The following N4BP2L2 variants were observed in gnomAD, a reference collection of about 807,000 sequenced individuals.
N4BP2L2 encodes the protein NEDD4 binding protein 2 like 2.
In N4BP2L2, 50 loss-of-function variants were observed where a neutral mutation model predicts 56.2. The observed-to-expected ratio is 0.89, with a 90% CI of 0.71 to 1.13. N4BP2L2 has a LOEUF of 1.13. Ranked by LOEUF, N4BP2L2 falls within the 50% of genes most tolerant of loss-of-function variation. The probability of loss-of-function intolerance (pLI) is 0.00; values close to 1 mark genes in which losing one functional copy is unlikely to be tolerated. For missense variants in N4BP2L2, 689 were observed against 693.8 expected (o/e 0.99, Z 0.08); for synonymous variants, 203 against 223.6 (o/e 0.91, Z 0.82).
chr13:32,520,891 CA>C (rs1212078308), intron 5 of N4BP2L2, among the ~76,000 whole-genome samples: 2 of 152,158 alleles, frequency 1.3e-5, no homozygotes, highest in African/African-American at 2.4e-5. Flanking sequence ...ACAACTTACT[CA>C]GAATTGACTT....
At chr13:32,465,226 A>C (rs565529852) in intron 6 of N4BP2L2, among the ~76,000 whole-genome samples, 262 of 152,220 alleles carry the variant, frequency 1.7e-3, no homozygotes, top group Non-Finnish European at 2.7e-3. Context: ...CAGCCTCCCA[A>C]AGTGCTGGGA....
chr13:32,470,516 T>C (rs2082101832), intron 6 of N4BP2L2, among the ~76,000 whole-genome samples: 4 of 152,202 alleles, frequency 2.6e-5, no homozygotes, highest in Admixed American at 2.6e-4. Flanking sequence ...CTAGGGCCTA[T>C]ATCAATGCAT....
At chr13:32,470,634 G>A (rs1283004880) in intron 6 of N4BP2L2, among the ~76,000 whole-genome samples, 1 of 152,216 alleles carries the variant, frequency 6.6e-6, no homozygotes, top group African/African-American at 2.4e-5. Context: ...TTCCCTTCAG[G>A]CTAATGAGAG....
At chr13:32,500,146 A>G (rs1285677746) in intron 6 of N4BP2L2, among the ~76,000 whole-genome samples, 1 of 152,156 alleles carries the variant, frequency 6.6e-6, no homozygotes, top group African/African-American at 2.4e-5. Context: ...GAGATCTACC[A>G]TAGGCTCGGT....
intron 6 of N4BP2L2, chr13:32,446,248 T>C: frequency 3.0e-6 from 2 of 662,222 alleles, no homozygotes; most frequent in South Asian, 3.6e-5. Context: ...TAGAAAATAC[T>C]CTAAGGAACA....
intron 6 of N4BP2L2, among the ~76,000 whole-genome samples, chr13:32,448,377 GA>G (rs545024757): frequency 9.9e-5 from 15 of 151,854 alleles, no homozygotes; most frequent in African/African-American, 3.4e-4. Flanking sequence ...ACCATTAGAA[GA>G]AAAAAAATCA....
intron 6 of N4BP2L2, among the ~76,000 whole-genome samples, chr13:32,472,806 C>G (rs2082571861): frequency 6.6e-6 from 1 of 152,174 alleles, no homozygotes; most frequent in African/African-American, 2.4e-5. Context: ...CCTGCTAGAA[C>G]TGCCTTTTAG....
chr13:32,447,720 A>G (rs778831761), intron 6 of N4BP2L2, among the ~76,000 whole-genome samples: 33 of 152,180 alleles, frequency 2.2e-4, no homozygotes, highest in Non-Finnish European at 4.7e-4. Flanking sequence ...AATACTCCCC[A>G]AGAGTTGCTT....
intron 2 of N4BP2L2, among the ~76,000 whole-genome samples, chr13:32,528,312 C>G (rs147889209): frequency 7.9e-5 from 12 of 152,284 alleles, no homozygotes; most frequent in African/African-American, 2.9e-4. Flanking sequence ...ATATGATCCT[C>G]TAGTGAAAGT....
chr13:32,520,014 G>C (rs1393425310), intron 5 of N4BP2L2, among the ~76,000 whole-genome samples: 1 of 151,960 alleles, frequency 6.6e-6, no homozygotes, highest in African/African-American at 2.4e-5. Flanking sequence ...AGCTAGGCAG[G>C]CAAAAAATAT....
intron 6 of N4BP2L2, among the ~76,000 whole-genome samples, chr13:32,491,110 G>C (rs542500647): frequency 6.2e-4 from 94 of 151,862 alleles, no homozygotes; most frequent in African/African-American, 2.1e-3. Context: ...AACCGAAATA[G>C]AACCCAGAGA....
At chr13:32,475,589 G>T (rs1485586128) in intron 6 of N4BP2L2, among the ~76,000 whole-genome samples, 1 of 152,122 alleles carries the variant, frequency 6.6e-6, no homozygotes. Context: ...CATTCCAGTT[G>T]ATCAGTGCCA....
chr13:32,447,148 A>C lies in N4BP2L2; in HGVS notation c.366-3022T>G, dbSNP rs1025752722. On this transcript the variant is annotated intron_variant, in intron 6 of 9. Coordinates refer to the N4BP2L2 transcript ENST00000357505. Reference sequence around the variant, plus strand: ...TGGCAAGGGTTGAGTCCTTTTCATGAGAGCAGTTCTTGGGCCCTGACTCCT... The same window carrying C: ...TGGCAAGGGTTGAGTCCTTTTCATGCGAGCAGTTCTTGGGCCCTGACTCCT... 4.6e-5 allele frequency among the ~76,000 whole-genome samples: 7 copies of C among 152,336 alleles called. No individual in the cohort carries two copies. The South Asian group carries it at 1.5e-3, about 32-fold the overall frequency.
At chr13:32,504,899 GGGTGAT>G (rs1356878499) in intron 6 of N4BP2L2, 3 of 152,198 alleles carry the variant, frequency 2.0e-5, no homozygotes, top group Non-Finnish European at 4.4e-5. Flanking sequence ...CAGAAAGAAG[GGGTGAT>G]GGATCCTAAG....
Position 32,527,398 on chromosome 13 carries a change from C to T in N4BP2L2, c.1384+10G>A. ...ATATTCTATCCTGGGACACTTAGCC[C>T]AAAACAAACCTCTGTTCTGGTTCCA... is the stretch of plus-strand genomic sequence containing the variant. On this transcript the variant is annotated intron_variant, in intron 3 of 5. Coordinates refer to ENST00000267068, the Ensembl canonical transcript of N4BP2L2. The T allele has an allele frequency of 1.2e-6, 2 of 1,612,516 alleles. No homozygotes were observed. The highest frequency in any genetic ancestry group is 1.7e-6 in the Non-Finnish European group (2 of 1,179,594).
chr13:32,456,898 G>GGCTGAGGTGAGTGGATCACTTGA (rs1197810994), intron 6 of N4BP2L2, among the ~76,000 whole-genome samples: 1 of 152,232 alleles, frequency 6.6e-6, no homozygotes, highest in Non-Finnish European at 1.5e-5. Context: ...CACCTTGGGA[G>GGCTGAGGTGAGTGGATCACTTGA]GCTGAGGTGA....
chr13:32,447,774 A>G (rs1481954207), intron 6 of N4BP2L2, among the ~76,000 whole-genome samples: 2 of 151,520 alleles, frequency 1.3e-5, no homozygotes, highest in East Asian at 3.8e-4. Context: ...GAAAAGGATA[A>G]TAAGGACCCT....
At chr13:32,525,746 T>G (rs551032830) in intron 3 of N4BP2L2, among the ~76,000 whole-genome samples, 10 of 152,340 alleles carry the variant, frequency 6.6e-5, no homozygotes, top group African/African-American at 2.4e-4. Context: ...CTATTTTTCT[T>G]GTATATATTA....
intron 6 of N4BP2L2, among the ~76,000 whole-genome samples, chr13:32,485,626 G>A (rs926219933): frequency 6.6e-6 from 1 of 152,168 alleles, no homozygotes; most frequent in African/African-American, 2.4e-5. Context: ...AGCAAGGTTA[G>A]TTTAACATCC....
Sources: gnomAD v4.1 joint callset for allele counts (sites outside exome capture counted in the v4.1 genomes callset) on GRCh38, gnomAD v4.1.1 for gene constraint, MANE v1.5 for transcripts, NCBI Gene and HGNC (gene_info 2026-07-23, HGNC 2026-07-21) for gene names.